Variants in SUPT3H observed in about 807,000 individuals in gnomAD.
SUPT3H encodes the protein SPT3 homolog, SAGA and STAGA complex component, also known as transcription initiation protein SPT3 homolog.
In SUPT3H, 44 loss-of-function variants were observed where a neutral mutation model predicts 44.3. That is an observed-to-expected ratio of 0.99 (90% CI 0.78 to 1.28). The LOEUF (loss-of-function observed/expected upper bound fraction) is 1.28, where lower values mean the gene tolerates loss of function less well. Among genes scored for constraint, SUPT3H ranks in the 50% most tolerant of loss-of-function variants. The probability of loss-of-function intolerance (pLI) is 0.00; values close to 1 mark genes in which losing one functional copy is unlikely to be tolerated. For synonymous variants in SUPT3H, 124 were observed against 125.6 expected (o/e 0.99, Z 0.09); for missense variants, 380 against 387.1 (o/e 0.98, Z 0.15).
intron 6 of SUPT3H, among the ~76,000 whole-genome samples, chr6:45,000,201 T>G (rs1582983509): frequency 6.6e-6 from 1 of 152,066 alleles, no homozygotes; most frequent in Non-Finnish European, 1.5e-5. Context: ...TTTAAGAGTT[T>G]CAGTTTTTAA....
rs901241954 is a variant in SUPT3H at position 45,093,032 on chromosome 6, A to G, written c.186+12890T>C. 4.6e-5 allele frequency among the ~76,000 whole-genome samples: 7 copies of G among 152,228 alleles called. No homozygotes were observed. In the East Asian group the frequency reaches 5.8e-4, roughly 13 times the overall value. On this transcript the variant is annotated intron_variant, in intron 3 of 10. Transcript: ENST00000371459. ...AATAAAACATCTAACACAATGTAGT[A>G]AAATAACACCCCTAATAAAACAACT...
At chr6:45,319,784 T>C (rs983902304) in intron 2 of SUPT3H, among the ~76,000 whole-genome samples, 30 of 152,254 alleles carry the variant, frequency 2.0e-4, no homozygotes, top group Non-Finnish European at 3.4e-4. Context: ...CAAATATGGA[T>C]AAAACAGAGG....
At chr6:45,298,795 C>G (rs1200547752) in intron 2 of SUPT3H, among the ~76,000 whole-genome samples, 1 of 152,090 alleles carries the variant, frequency 6.6e-6, no homozygotes, top group Non-Finnish European at 1.5e-5. Context: ...AAGTAACTCT[C>G]TAGAATATAG....
intron 10 of SUPT3H, among the ~76,000 whole-genome samples, chr6:44,911,205 T>G (rs72865923): frequency 0.21 from 31,095 of 151,356 alleles, 3,847 homozygotes; most frequent in Non-Finnish European, 0.29. Context: ...GAGAATCTTC[T>G]GTTGTTCTCT....
chr6:44,859,608 T>C (rs990272705), intron 10 of SUPT3H, among the ~76,000 whole-genome samples: 4 of 152,164 alleles, frequency 2.6e-5, no homozygotes, highest in Admixed American at 2.6e-4. Flanking sequence ...GAAAATACCC[T>C]GACAAATGTG....
chr6:45,130,113 A>G (rs535232820), intron 2 of SUPT3H, among the ~76,000 whole-genome samples: 1 of 152,252 alleles, frequency 6.6e-6, no homozygotes, highest in East Asian at 1.9e-4. Context: ...CCATCACATT[A>G]ATCTAATTTT....
At chr6:45,026,962 CT>C (rs1237073923) in intron 3 of SUPT3H, among the ~76,000 whole-genome samples, 6 of 138,126 alleles carry the variant, frequency 4.3e-5, no homozygotes, top group Non-Finnish European at 9.5e-5. Context: ...CCAGACTTCC[CT>C]TCTACTCTTC....
At chr6:45,191,672 T>TCTAAAATA (rs1815159652) in intron 2 of SUPT3H, among the ~76,000 whole-genome samples, 1 of 91,904 alleles carries the variant, frequency 1.1e-5, no homozygotes, top group Non-Finnish European at 2.1e-5. Flanking sequence ...AAACATTAAC[T>TCTAAAATA]GCTCTAAAAA....
chr6:45,156,478 CAT>C (rs1172342797), intron 2 of SUPT3H, among the ~76,000 whole-genome samples: 2 of 152,034 alleles, frequency 1.3e-5, no homozygotes, highest in Non-Finnish European at 2.9e-5. Context: ...CAATGACTAA[CAT>C]AAATTTCAAA....
chr6:45,301,772 T>A (rs2149928355), intron 2 of SUPT3H, among the ~76,000 whole-genome samples: 1 of 152,296 alleles, frequency 6.6e-6, no homozygotes, highest in African/African-American at 2.4e-5. Context: ...TTGAAAATAG[T>A]TTGTTGAATT....
intron 9 of SUPT3H, among the ~76,000 whole-genome samples, chr6:44,943,231 A>C (rs185079073): frequency 6.6e-5 from 10 of 152,326 alleles, no homozygotes; most frequent in Non-Finnish European, 1.2e-4. Context: ...ATGAAATATC[A>C]GAAATAAAAT....
chr6:45,031,374 G>C lies in SUPT3H; in HGVS notation c.187-10742C>G, dbSNP rs114777470. ...ATACATATTTGTGTGTGCATACATAGATACATACCAAACATGTCTGTACAT... is the reference window on the plus strand; with the variant it reads ...ATACATATTTGTGTGTGCATACATACATACATACCAAACATGTCTGTACAT... On this transcript the variant is annotated intron_variant, in intron 3 of 10. Coordinates refer to ENST00000371459, the MANE Select transcript of SUPT3H (RefSeq NM_003599.4). Among the ~76,000 whole-genome samples, 1,504 of 152,106 alleles carry C rather than the reference G, an allele frequency of 9.9e-3. 34 individuals carry two copies. The highest frequency in any genetic ancestry group is 0.034 in the African/African-American group (1,409 of 41,488).
At chr6:45,073,264 T>C (rs775535001) in intron 3 of SUPT3H, among the ~76,000 whole-genome samples, 9 of 152,060 alleles carry the variant, frequency 5.9e-5, no homozygotes, top group Non-Finnish European at 8.8e-5. Context: ...CTGTCTTCTA[T>C]TTATATCAGC....
chr6:45,252,676 C>T (rs1026923654), intron 2 of SUPT3H, among the ~76,000 whole-genome samples: 4 of 151,592 alleles, frequency 2.6e-5, no homozygotes, highest in Non-Finnish European at 4.4e-5. Flanking sequence ...AAACATCTAT[C>T]AGAAGAGGTG....
intron 5 of SUPT3H, among the ~76,000 whole-genome samples, chr6:45,007,081 A>C (rs1323957081): frequency 6.6e-6 from 1 of 152,136 alleles, no homozygotes; most frequent in East Asian, 1.9e-4. Flanking sequence ...AAGTCCTTGG[A>C]TTGCAGTCCC....
chr6:45,319,270 TACAA>T (rs1402955952), intron 2 of SUPT3H, among the ~76,000 whole-genome samples: 1 of 151,982 alleles, frequency 6.6e-6, no homozygotes, highest in Admixed American at 6.6e-5. Flanking sequence ...ATATGGGAGG[TACAA>T]ACAATCACTT....
intron 3 of SUPT3H, among the ~76,000 whole-genome samples, chr6:45,063,636 C>CGTG (rs1792627900): frequency 2.5e-5 from 1 of 39,948 alleles, no homozygotes; most frequent in Non-Finnish European, 4.7e-5. Context: ...AGCTGAAAAC[C>CGTG]AAGGCTCGAG....
Position 45,003,825 on chromosome 6 carries a change from T to G in SUPT3H, c.365-33A>C. 2.5e-6 allele frequency: 4 copies of G among 1,611,624 alleles called. No individual in the cohort carries two copies. The South Asian group carries it at 4.4e-5, about 18-fold the overall frequency. On this transcript the variant is annotated intron_variant, in intron 5 of 10. Coordinates refer to ENST00000371459, the MANE Select transcript of SUPT3H (RefSeq NM_003599.4). Reference sequence around the variant, plus strand: ...AAGTCAAGGGAAAGAAAAAAAGAAATGTTCTCAATAGGTTTACATCAGCAC... The same window carrying G: ...AAGTCAAGGGAAAGAAAAAAAGAAAGGTTCTCAATAGGTTTACATCAGCAC...
At chr6:45,322,857 CA>C (rs1785727150) in intron 2 of SUPT3H, 1 of 1,589,370 alleles carries the variant, frequency 6.3e-7, no homozygotes, top group East Asian at 2.2e-5. Flanking sequence ...AAAGCAGTGG[CA>C]CTGGAGAGCC....
Sources: gnomAD v4.1 joint callset for allele counts (sites outside exome capture counted in the v4.1 genomes callset) on GRCh38, gnomAD v4.1.1 for gene constraint, MANE v1.5 for transcripts, NCBI Gene and HGNC (gene_info 2026-07-23, HGNC 2026-07-21) for gene names.